The following SMIM36 variants were observed in gnomAD, a reference collection of about 807,000 sequenced individuals.
The protein encoded by SMIM36 is small integral membrane protein 36.
intron 1 of SMIM36, among the ~76,000 whole-genome samples, chr17:55,481,084 C>T (rs1909511900): frequency 1.3e-5 from 2 of 150,836 alleles, no homozygotes; most frequent in South Asian, 4.2e-4. Flanking sequence ...CTGTCTCTGT[C>T]TCTCTCTCTC....
intron 1 of SMIM36, among the ~76,000 whole-genome samples, chr17:55,492,242 C>CTTT (rs770501215): frequency 0.012 from 1,380 of 111,238 alleles, 66 homozygotes; most frequent in African/African-American, 0.043. Flanking sequence ...TTCTTTCTTT[C>CTTT]TTTTTTTTTT....
At chr17:55,514,984 T>C (rs891675544), upstream of SMIM36, among the ~76,000 whole-genome samples, 13 of 151,868 alleles carry the variant, frequency 8.6e-5, no homozygotes, top group Middle Eastern at 3.2e-3. Flanking sequence ...TATTTCACAG[T>C]TGAGGACATT....
chr17:55,492,334 C>T (rs113689164), intron 1 of SMIM36, among the ~76,000 whole-genome samples: 3,930 of 145,208 alleles, frequency 0.027, 77 homozygotes, highest in Non-Finnish European at 0.039. Context: ...CCTCTGCCTA[C>T]CAGGTTCAAG....
At chr17:55,488,601 T>C (rs1437793342) in intron 1 of SMIM36, among the ~76,000 whole-genome samples, 1 of 152,222 alleles carries the variant, frequency 6.6e-6, no homozygotes, top group Non-Finnish European at 1.5e-5. Flanking sequence ...ACAATATCAG[T>C]ATATTTGTTG....
intron 1 of SMIM36, among the ~76,000 whole-genome samples, chr17:55,502,056 C>A (rs1909997870): frequency 6.6e-6 from 1 of 151,926 alleles, no homozygotes; most frequent in South Asian, 2.1e-4. Context: ...TATCCCACAC[C>A]TGGCTCTGAG....
At chr17:55,495,290 C>T (rs1008587279) in intron 1 of SMIM36, among the ~76,000 whole-genome samples, 1 of 152,198 alleles carries the variant, frequency 6.6e-6, no homozygotes, top group Admixed American at 6.5e-5. Context: ...ATAGGTAAAT[C>T]ATTCACAAAC....
intron 4 of SMIM36, among the ~76,000 whole-genome samples, chr17:55,460,230 C>G (rs1230648071): frequency 1.3e-5 from 2 of 151,690 alleles, no homozygotes; most frequent in Non-Finnish European, 2.9e-5. Flanking sequence ...GAGTTCAAGA[C>G]CAGCCTGGCC....
the SMIM36 span, among the ~76,000 whole-genome samples, chr17:55,523,390 C>T: frequency 6.6e-6 from 1 of 152,158 alleles, no homozygotes; most frequent in East Asian, 1.9e-4. Flanking sequence ...ATTAGTTGGG[C>T]ATGGTGGCAC....
chr17:55,518,560 A>G, the SMIM36 span, among the ~76,000 whole-genome samples: 397 of 152,356 alleles, frequency 2.6e-3, 2 homozygotes, highest in African/African-American at 9.0e-3. Context: ...GGGTGGGATG[A>G]GAAAGAAAAC....
At chr17:55,501,161 A>AAC (rs1909938884) in intron 1 of SMIM36, among the ~76,000 whole-genome samples, 1 of 86,374 alleles carries the variant, frequency 1.2e-5, no homozygotes, top group South Asian at 3.6e-4. Context: ...TATAATATAT[A>AAC]ATATATCTTA....
chr17:55,479,729 T>G (rs1909488428), intron 1 of SMIM36, 149 bp from the exon 2 acceptor site: 1 of 152,248 alleles, frequency 6.6e-6, no homozygotes, highest in Non-Finnish European at 1.5e-5. Flanking sequence ...ACCAAATTAC[T>G]TCTCAACCTT....
chr17:55,463,438 C>T (rs1307194598), intron 4 of SMIM36, among the ~76,000 whole-genome samples: 1 of 152,102 alleles, frequency 6.6e-6, no homozygotes, highest in African/African-American at 2.4e-5. Context: ...AAGCCTGTAA[C>T]TCAGTTACTT....
At chr17:55,521,787 A>G in the SMIM36 span, among the ~76,000 whole-genome samples, 1 of 152,160 alleles carries the variant, frequency 6.6e-6, no homozygotes, top group Non-Finnish European at 1.5e-5. Context: ...GAATAGCAGA[A>G]AATCCTGGGG....
intron 3 of SMIM36, among the ~76,000 whole-genome samples, chr17:55,468,889 T>C (rs1275687522): frequency 6.6e-6 from 1 of 152,204 alleles, no homozygotes; most frequent in African/African-American, 2.4e-5. Context: ...GGCCAGAGAA[T>C]GGCACTTTTG....
chr17:55,523,604 G>C, the SMIM36 span, among the ~76,000 whole-genome samples: 1 of 151,476 alleles, frequency 6.6e-6, no homozygotes, highest in South Asian at 2.1e-4. Flanking sequence ...AGAGGCCTCA[G>C]AAGAAACCAG....
At chr17:55,459,745 G>A (rs757868567) in intron 4 of SMIM36, among the ~76,000 whole-genome samples, 4 of 152,254 alleles carry the variant, frequency 2.6e-5, no homozygotes, top group Admixed American at 6.5e-5. Flanking sequence ...AACTGTAATC[G>A]GAGCACTTTG....
intron 4 of SMIM36, among the ~76,000 whole-genome samples, chr17:55,455,634 C>CA (rs1315574542): frequency 6.6e-6 from 1 of 151,598 alleles, no homozygotes; most frequent in Non-Finnish European, 1.5e-5. Context: ...TACGAAAAAT[C>CA]AAAAAAATTA....
intron 1 of SMIM36, among the ~76,000 whole-genome samples, chr17:55,483,997 C>T (rs8079790): frequency 0.017 from 2,523 of 152,190 alleles, 54 homozygotes; most frequent in Middle Eastern, 0.068. Flanking sequence ...ATTCTATTAG[C>T]TTTGTTTCTC....
At chr17:55,526,225 C>T in the SMIM36 span, among the ~76,000 whole-genome samples, 1 of 152,118 alleles carries the variant, frequency 6.6e-6, no homozygotes. Flanking sequence ...CTCACTGCAA[C>T]CTCCACCTCC....
Sources: gnomAD v4.1 joint callset for allele counts (sites outside exome capture counted in the v4.1 genomes callset) on GRCh38, gnomAD v4.1.1 for gene constraint, MANE v1.5 for transcripts, NCBI Gene and HGNC (gene_info 2026-07-23, HGNC 2026-07-21) for gene names.